The following SCARA3 variants were observed in gnomAD, a reference collection of about 807,000 sequenced individuals.
The protein encoded by SCARA3 is cellular stress response gene protein.
SCARA3 carries 39 observed loss-of-function variants against 47.0 expected under a neutral mutation model. The observed-to-expected ratio is 0.83, with a 90% CI of 0.64 to 1.08. The LOEUF (loss-of-function observed/expected upper bound fraction) is 1.08. Ranked by LOEUF, SCARA3 falls within the 50% of genes least tolerant of loss-of-function variation. The pLI, the probability that SCARA3 is intolerant of heterozygous loss-of-function variation, is 0.00. For synonymous variants in SCARA3, 356 were observed against 334.1 expected, an observed-to-expected ratio of 1.07 and a Z score of -0.71; for missense variants, 724 against 792.3, an observed-to-expected ratio of 0.91 and a Z score of 1.04.
chr8:27,692,683 T>G, the SCARA3 span, among the ~76,000 whole-genome samples: 1 of 152,030 alleles, frequency 6.6e-6, no homozygotes, highest in African/African-American at 2.4e-5. Flanking sequence ...TTAAAAAAAA[T>G]TACAATCTAT....
Position 27,659,223 on chromosome 8 carries a change from T to G in SCARA3, c.1053T>G (p.Ala351=). The G allele has an allele frequency of 6.2e-7, 1 of 1,614,148 alleles. No individual in the cohort carries two copies. Among genetic ancestry groups the G allele is most frequent in the Non-Finnish European group, 8.5e-7 (1 of 1,180,018 alleles). ...TTGAGTCTCTGGAAGGACGCATGGC[T>G]TCTCACGAGATTGAAATTGGCACCA... ...ERFESLEGRM[A]SHEIEIGTIF... Residue 351 remains alanine, a synonymous_variant, in exon 5 of 6, where the codon GCT becomes GCG. Coordinates refer to ENST00000301904, the MANE Select transcript of SCARA3 (RefSeq NM_016240.3).
rs574475518 is a variant in SCARA3 at position 27,641,013 on chromosome 8, A to C, written c.7+6806A>C. 9.2e-5 allele frequency among the ~76,000 whole-genome samples: 14 copies of C among 152,332 alleles called. No homozygotes were observed. The East Asian group carries it at 2.7e-3, about 29-fold the overall frequency. Reference sequence around the variant, plus strand: ...CACCCAGCTTGCAGTATTTTTAAAAAATGGTTTCATAACATCCCATAGTAA... The same window carrying C: ...CACCCAGCTTGCAGTATTTTTAAAACATGGTTTCATAACATCCCATAGTAA... On this transcript the variant is annotated intron_variant, in intron 1 of 5. Coordinates refer to ENST00000301904, the MANE Select transcript of SCARA3 (RefSeq NM_016240.3).
At chr8:27,727,508 TC>T in the SCARA3 span, among the ~76,000 whole-genome samples, 1 of 152,154 alleles carries the variant, frequency 6.6e-6, no homozygotes, top group African/African-American at 2.4e-5. Context: ...CACCTAGAGT[TC>T]CTTCCAGTGG....
chr8:27,680,991 TA>T (rs1389514018), downstream of SCARA3, among the ~76,000 whole-genome samples: 2 of 152,196 alleles, frequency 1.3e-5, no homozygotes, highest in African/African-American at 2.4e-5. Context: ...AAGGAAACTT[TA>T]AACTTAGACA....
the SCARA3 span, among the ~76,000 whole-genome samples, chr8:27,726,720 AAC>A: frequency 3.0e-3 from 457 of 152,266 alleles, 1 homozygote; most frequent in African/African-American, 0.01. Context: ...AAAAAATAAA[AAC>A]AGTTTATTCT....
chr8:27,634,111 C>T lies in SCARA3; in HGVS notation c.-90C>T, dbSNP rs1208885229. On this transcript the variant is annotated 5_prime_UTR_variant, in exon 1 of 6. Transcript: ENST00000301904. ...GCGGGCGGCGCCTAGGACGGCGATC[C>T]GCGCCCTGGAGGATCCGCCGGCCGC... 1.1e-5 allele frequency: 14 copies of T among 1,284,184 alleles called. No homozygotes were observed. Among genetic ancestry groups the T allele is most frequent in the Non-Finnish European group, 1.4e-5 (14 of 988,036 alleles). The allele number at this position is 1,284,184 out of a possible 1,614,324, so 79.5% of individuals were successfully genotyped here. A position where few individuals can be genotyped will look rare whatever the true frequency, so the allele number is the denominator to read the frequency against.
the SCARA3 span, among the ~76,000 whole-genome samples, chr8:27,698,366 T>A: frequency 6.6e-6 from 1 of 152,212 alleles, no homozygotes; most frequent in African/African-American, 2.4e-5. Flanking sequence ...AGATTGGATT[T>A]ATAATGTGTC....
chr8:27,696,413 G>T, the SCARA3 span, among the ~76,000 whole-genome samples: 1 of 152,008 alleles, frequency 6.6e-6, no homozygotes, highest in Non-Finnish European at 1.5e-5. Flanking sequence ...CAGAAACAAT[G>T]AAATGAAATC....
At chr8:27,676,706 G>C, downstream of SCARA3, 2 of 662,976 alleles carry the variant, frequency 3.0e-6, no homozygotes, top group South Asian at 1.8e-5. Flanking sequence ...ATTATGCCTT[G>C]AGACACTAGC....
chr8:27,730,039 A>G, the SCARA3 span, among the ~76,000 whole-genome samples: 1 of 152,180 alleles, frequency 6.6e-6, no homozygotes, highest in Admixed American at 6.5e-5. Context: ...TCAAAGGGGC[A>G]CTGGAGGTGC....
intron 3 of SCARA3, among the ~76,000 whole-genome samples, chr8:27,656,501 AT>A (rs980428307): frequency 4.0e-5 from 6 of 151,674 alleles, no homozygotes; most frequent in Non-Finnish European, 7.4e-5. Context: ...AATAAGAATA[AT>A]TTTTTTTTAA....
At chr8:27,648,905 G>T (rs1418492013) in intron 1 of SCARA3, among the ~76,000 whole-genome samples, 2 of 149,180 alleles carry the variant, frequency 1.3e-5, no homozygotes, top group East Asian at 2.0e-4. Context: ...ATGAAGGAAA[G>T]GAAAGGAAAG....
At position 27,672,092 on chromosome 8, in the gene SCARA3, A is replaced by G; in HGVS notation, c.*741A>G. 1.0e-6 allele frequency: 1 copy of G among 985,226 alleles called. No individual in the cohort carries two copies. Among genetic ancestry groups the G allele is most frequent in the African/African-American group, 1.7e-5 (1 of 57,314 alleles). The allele number at this position is 985,226 out of a possible 1,614,324, so 61.0% of individuals were successfully genotyped here. A position where few individuals can be genotyped will look rare whatever the true frequency, so the allele number is the denominator to read the frequency against. ...GAGGCAAAGTGGACCTGGCAACCAC[A>G]AGACCCTCCCCATAAGCAGGGGACC... On this transcript the variant is annotated 3_prime_UTR_variant, in exon 6 of 6. Coordinates refer to ENST00000301904, the MANE Select transcript of SCARA3 (RefSeq NM_016240.3).
intron 1 of SCARA3, among the ~76,000 whole-genome samples, chr8:27,638,804 A>G (rs1213006538): frequency 6.6e-6 from 1 of 152,190 alleles, no homozygotes; most frequent in Non-Finnish European, 1.5e-5. Context: ...ACTAACAGTG[A>G]TAAGTGTCTT....
In SCARA3 at chr8:27,672,589, CTT is replaced by C. The variant is rs566629693; in HGVS notation, c.*1240_*1241del. 264 of 985,670 alleles carry C rather than the reference CTT, an allele frequency of 2.7e-4. 2 individuals are homozygous for C. In the African/African-American group the frequency reaches 4.3e-3, roughly 16 times the overall value. The allele number at this position is 985,670 out of a possible 1,614,324, so 61.1% of individuals were successfully genotyped here. On this transcript the variant is annotated 3_prime_UTR_variant, in exon 6 of 6. Coordinates refer to ENST00000301904, the MANE Select transcript of SCARA3 (RefSeq NM_016240.3). Reference sequence around the variant, plus strand: ...CGGGACCCACAATGGCCCGAGCCCTCTTTGCATGGGCAGCCAGCTGGACTAGG... The same window carrying C: ...CGGGACCCACAATGGCCCGAGCCCTCTGCATGGGCAGCCAGCTGGACTAGG...
At chr8:27,731,906 AT>A in the SCARA3 span, among the ~76,000 whole-genome samples, 13 of 121,368 alleles carry the variant, frequency 1.1e-4, no homozygotes, top group Non-Finnish European at 2.3e-4. Flanking sequence ...TACCCCGAAT[AT>A]TTTCTCTTTT....
chr8:27,665,537 T>C (rs1481392905), intron 5 of SCARA3, among the ~76,000 whole-genome samples: 1 of 152,194 alleles, frequency 6.6e-6, no homozygotes, highest in Non-Finnish European at 1.5e-5. Flanking sequence ...TTGGCTACTT[T>C]CTTTCTTTCT....
Position 27,672,444 on chromosome 8 carries a change from G to A in SCARA3, c.*1093G>A, listed in dbSNP as rs1802188956. On this transcript the variant is annotated 3_prime_UTR_variant, in exon 6 of 6. Coordinates refer to ENST00000301904, the MANE Select transcript of SCARA3 (RefSeq NM_016240.3). ...GCTGGCCTGCCCCATTCCCCAAGGG[G>A]GCTCCTCTGGAGTGGTGGGGAGGAT... 1 of 985,600 alleles carries A rather than the reference G, an allele frequency of 1.0e-6. No homozygotes were observed. Among genetic ancestry groups the A allele is most frequent in the South Asian group, 4.7e-5 (1 of 21,298 alleles). The allele number at this position is 985,600 out of a possible 1,614,324, so 61.1% of individuals were successfully genotyped here.
chr8:27,646,015 C>G (rs1454834979), intron 1 of SCARA3, among the ~76,000 whole-genome samples: 1 of 152,234 alleles, frequency 6.6e-6, no homozygotes, highest in African/African-American at 2.4e-5. Context: ...ATTATGTTCT[C>G]ATTAAGTGAA....
Sources: gnomAD v4.1 joint callset for allele counts (sites outside exome capture counted in the v4.1 genomes callset) on GRCh38, gnomAD v4.1.1 for gene constraint, MANE v1.5 for transcripts, NCBI Gene and HGNC (gene_info 2026-07-23, HGNC 2026-07-21) for gene names.